SHISA9: variants seen among roughly 807,000 people sequenced by gnomAD.
The protein encoded by SHISA9 is protein shisa-9.
In SHISA9, 13 loss-of-function variants were observed where a neutral mutation model predicts 38.0. That is an observed-to-expected ratio of 0.34 (90% CI 0.22 to 0.54). The LOEUF (loss-of-function observed/expected upper bound fraction) is 0.54, where lower values mean the gene tolerates loss of function less well. Among genes scored for constraint, SHISA9 ranks in the 20% least tolerant of loss-of-function variants. The pLI, the probability that SHISA9 is intolerant of heterozygous loss-of-function variation, is 0.91. For synonymous variants in SHISA9, 275 were observed against 242.0 expected (o/e 1.14, Z -1.27); for missense variants, 538 against 575.8 (o/e 0.93, Z 0.67).
At chr16:12,996,413 G>A (rs1442620341) in intron 2 of SHISA9, among the ~76,000 whole-genome samples, 1 of 152,148 alleles carries the variant, frequency 6.6e-6, no homozygotes, top group African/African-American at 2.4e-5. Context: ...GTTTGGCACA[G>A]GCCCCCAGAA....
At chr16:13,113,481 G>C (rs2074000238) in intron 2 of SHISA9, among the ~76,000 whole-genome samples, 1 of 152,170 alleles carries the variant, frequency 6.6e-6, no homozygotes, top group East Asian at 1.9e-4. Flanking sequence ...TCAAGAATAG[G>C]AGAGGACCAG....
chr16:13,317,322 A>C, the SHISA9 span, among the ~76,000 whole-genome samples: 493 of 152,332 alleles, frequency 3.2e-3, 3 homozygotes, highest in Non-Finnish European at 4.6e-3. Flanking sequence ...ACAAAATGCA[A>C]GAGTCAACAT....
At chr16:13,075,888 A>G (rs1438878705) in intron 2 of SHISA9, among the ~76,000 whole-genome samples, 1 of 152,130 alleles carries the variant, frequency 6.6e-6, no homozygotes, top group Non-Finnish European at 1.5e-5. Context: ...GGCCCTGTGC[A>G]TTCTAGGGTG....
chr16:13,551,106 A>T, the SHISA9 span, among the ~76,000 whole-genome samples: 1 of 150,076 alleles, frequency 6.7e-6, no homozygotes, highest in Non-Finnish European at 1.5e-5. Context: ...CCTGGGCGAC[A>T]GTGAGAGACT....
chr16:13,400,695 T>G, the SHISA9 span, among the ~76,000 whole-genome samples: 46,845 of 152,102 alleles, frequency 0.31, 7,686 homozygotes, highest in East Asian at 0.53. Flanking sequence ...TAACCCTGAC[T>G]CCATGTCTGA....
the SHISA9 span, among the ~76,000 whole-genome samples, chr16:13,546,552 C>T: frequency 6.6e-6 from 1 of 152,150 alleles, no homozygotes; most frequent in Non-Finnish European, 1.5e-5. Flanking sequence ...AGACTAAATT[C>T]TCCAATTGAA....
At chr16:13,304,407 G>C in the SHISA9 span, among the ~76,000 whole-genome samples, 2 of 152,138 alleles carry the variant, frequency 1.3e-5, no homozygotes. Flanking sequence ...TTACAGACAT[G>C]CATCACCATG....
chr16:13,087,424 C>A (rs2073725513), intron 2 of SHISA9, among the ~76,000 whole-genome samples: 2 of 151,726 alleles, frequency 1.3e-5, no homozygotes, highest in South Asian at 2.1e-4. Context: ...ATGGTTGAAC[C>A]AATTTACACT....
chr16:13,104,636 C>G (rs2141960357), intron 2 of SHISA9, among the ~76,000 whole-genome samples: 1 of 152,118 alleles, frequency 6.6e-6, no homozygotes, highest in South Asian at 2.1e-4. Context: ...ATGAATTGTC[C>G]AGAAATGGCA....
the SHISA9 span, among the ~76,000 whole-genome samples, chr16:13,274,875 A>G: frequency 6.6e-6 from 1 of 152,176 alleles, no homozygotes. Flanking sequence ...CTGAGAATTC[A>G]ATCAATTGTC....
chr16:12,979,373 A>G (rs917224842), intron 2 of SHISA9, among the ~76,000 whole-genome samples: 1 of 151,746 alleles, frequency 6.6e-6, no homozygotes, highest in Non-Finnish European at 1.5e-5. Context: ...ACATACTCCC[A>G]TCGTTCCATG....
At chr16:13,100,909 G>A (rs1306277202) in intron 2 of SHISA9, among the ~76,000 whole-genome samples, 1 of 152,116 alleles carries the variant, frequency 6.6e-6, no homozygotes, top group African/African-American at 2.4e-5. Context: ...GTTTTGCCAT[G>A]TTGGTCAAAC....
chr16:13,307,870 T>A, the SHISA9 span, among the ~76,000 whole-genome samples: 1 of 152,192 alleles, frequency 6.6e-6, no homozygotes, highest in African/African-American at 2.4e-5. Flanking sequence ...AAAATTTAGA[T>A]GTGTTCATTT....
At chr16:13,368,957 A>G in the SHISA9 span, among the ~76,000 whole-genome samples, 2 of 152,182 alleles carry the variant, frequency 1.3e-5, no homozygotes, top group African/African-American at 2.4e-5. Context: ...AAGATTATTT[A>G]TATGTGAATC....
At chr16:13,406,522 ACAT>A in the SHISA9 span, among the ~76,000 whole-genome samples, 1 of 152,166 alleles carries the variant, frequency 6.6e-6, no homozygotes, top group African/African-American at 2.4e-5. Context: ...CTCCTGTAGA[ACAT>A]TCTCTTCCGC....
At chr16:13,536,629 C>G in the SHISA9 span, among the ~76,000 whole-genome samples, 1 of 152,118 alleles carries the variant, frequency 6.6e-6, no homozygotes, top group Non-Finnish European at 1.5e-5. Context: ...GAAGAAGACG[C>G]TGGAAGGGGA....
chr16:13,196,389 T>A (rs1596721604), intron 2 of SHISA9, among the ~76,000 whole-genome samples: 1 of 103,548 alleles, frequency 9.7e-6, no homozygotes, highest in African/African-American at 4.5e-5. Flanking sequence ...AGAGCGAGAC[T>A]CCGTCTCAAA....
chr16:13,542,866 C>T, the SHISA9 span, among the ~76,000 whole-genome samples: 1 of 152,182 alleles, frequency 6.6e-6, no homozygotes, highest in Non-Finnish European at 1.5e-5. Flanking sequence ...GTTTCTGTCT[C>T]TTTCATCCCA....
At chr16:12,958,586 C>T (rs1162599374) in intron 2 of SHISA9, among the ~76,000 whole-genome samples, 1 of 152,232 alleles carries the variant, frequency 6.6e-6, no homozygotes, top group African/African-American at 2.4e-5. Flanking sequence ...AGGACAGCAA[C>T]AGACTTTCCC....
Sources: allele counts gnomAD v4.1 joint callset (sites outside exome capture counted in the v4.1 genomes callset), GRCh38; gene constraint gnomAD v4.1.1; transcripts MANE v1.5; gene names NCBI Gene and HGNC (gene_info 2026-07-23, HGNC 2026-07-21).